The following ROCK2 variants were observed in gnomAD, a reference collection of about 807,000 sequenced individuals.
ROCK2 encodes the protein Rho associated coiled-coil containing protein kinase 2.
ROCK2 carries 61 observed loss-of-function variants against 195.1 expected under a neutral mutation model. The ratio of observed to expected loss-of-function variants is 0.31; its 90% CI spans 0.25 to 0.39. The LOEUF is 0.39. Ranked by LOEUF, ROCK2 falls within the 10% of genes least tolerant of loss-of-function variation. The pLI, the probability that ROCK2 is intolerant of heterozygous loss-of-function variation, is 1.00. For synonymous variants in ROCK2, 504 were observed against 545.5 expected, an observed-to-expected ratio of 0.92 and a Z score of 1.06; for missense variants, 1,109 against 1,637.4, an observed-to-expected ratio of 0.68 and a Z score of 5.57.
At chr2:11,246,979 A>C (rs1665639249) in intron 4 of ROCK2, among the ~76,000 whole-genome samples, 1 of 151,436 alleles carries the variant, frequency 6.6e-6, no homozygotes, top group Non-Finnish European at 1.5e-5. Context: ...TGATGAATGA[A>C]CGAAGTGTGG....
At chr2:11,298,737 CTT>C (rs1476693962) in intron 1 of ROCK2, among the ~76,000 whole-genome samples, 1 of 152,104 alleles carries the variant, frequency 6.6e-6, no homozygotes, top group Non-Finnish European at 1.5e-5. Flanking sequence ...AGTCACACGA[CTT>C]TATACTTTGG....
chr2:11,280,439 C>T (rs1666960334), intron 3 of ROCK2, among the ~76,000 whole-genome samples: 1 of 140,998 alleles, frequency 7.1e-6, no homozygotes, highest in Admixed American at 7.3e-5. Flanking sequence ...GCCTGGGCAA[C>T]ATGGTGAAAC....
intron 32 of ROCK2, among the ~76,000 whole-genome samples, chr2:11,189,930 G>A (rs1379497638): frequency 6.6e-6 from 1 of 152,106 alleles, no homozygotes; most frequent in Non-Finnish European, 1.5e-5. Flanking sequence ...GGGAGGTCAA[G>A]GCTGCAGTGA....
chr2:11,292,877 T>A (rs898510692), intron 1 of ROCK2, among the ~76,000 whole-genome samples: 1 of 152,202 alleles, frequency 6.6e-6, no homozygotes, highest in Non-Finnish European at 1.5e-5. Flanking sequence ...GACTTTTCCC[T>A]GTTGTCATGA....
chr2:11,205,717 T>C (rs1446230790), intron 20 of ROCK2, among the ~76,000 whole-genome samples: 3 of 152,140 alleles, frequency 2.0e-5, no homozygotes. Context: ...GGTTAATCTT[T>C]CTATCTTTCA....
chr2:11,245,346 G>A (rs1054682399), intron 4 of ROCK2, among the ~76,000 whole-genome samples: 2 of 151,476 alleles, frequency 1.3e-5, no homozygotes, highest in Non-Finnish European at 2.9e-5. Context: ...GCTGAATCTC[G>A]TAAGTAATCA....
intron 1 of ROCK2, among the ~76,000 whole-genome samples, chr2:11,290,452 CTAAAA>C (rs1667326849): frequency 6.6e-6 from 1 of 151,688 alleles, no homozygotes; most frequent in African/African-American, 2.4e-5. Flanking sequence ...AAAAATGATA[CTAAAA>C]CTGAGATAAA....
rs960686413 is a variant in ROCK2, at chr2:11,183,493, T to A, written c.4164-53A>T. On this transcript the variant is annotated intron_variant, in intron 32 of 32. Transcript: ENST00000315872. ...TTGATACAGTGAAATAATTTAAGAG[T>A]GTTAAATTCCTAGAAAAAGCATTCC... The A allele has an allele frequency of 6.6e-6, 9 of 1,363,980 alleles. No homozygotes were observed. In the African/African-American group the frequency reaches 1.2e-4, roughly 18 times the overall value. 84.5% of individuals were successfully genotyped at this position (1,363,980 alleles called of 1,614,324 possible).
At chr2:11,299,409 A>G (rs1380969883) in intron 1 of ROCK2, among the ~76,000 whole-genome samples, 1 of 152,232 alleles carries the variant, frequency 6.6e-6, no homozygotes. Context: ...TACTTTTATA[A>G]AAAACCAAGT....
intron 1 of ROCK2, among the ~76,000 whole-genome samples, chr2:11,334,465 T>C (rs140870457): frequency 0.023 from 3,300 of 145,584 alleles, 59 homozygotes; most frequent in East Asian, 0.053. Context: ...GAGCCGAGAT[T>C]GTGCCACTGC....
At chr2:11,261,935 A>G (rs1420982157) in intron 3 of ROCK2, among the ~76,000 whole-genome samples, 1 of 152,240 alleles carries the variant, frequency 6.6e-6, no homozygotes, top group Non-Finnish European at 1.5e-5. Context: ...CTAAATTTCA[A>G]TGGCTTCATC....
intron 1 of ROCK2, among the ~76,000 whole-genome samples, chr2:11,299,668 G>C (rs908792761): frequency 1.3e-5 from 2 of 152,220 alleles, no homozygotes; most frequent in African/African-American, 4.8e-5. Flanking sequence ...AACCACGAAA[G>C]AACACAGCAA....
chr2:11,263,749 G>T (rs1380307315), intron 3 of ROCK2, among the ~76,000 whole-genome samples: 2 of 143,380 alleles, frequency 1.4e-5, no homozygotes, highest in Non-Finnish European at 3.1e-5. Flanking sequence ...AAGGGTTAAA[G>T]TTTTTTTTTT....
At chr2:11,199,604 T>G (rs1457797752) in intron 23 of ROCK2, among the ~76,000 whole-genome samples, 1 of 152,064 alleles carries the variant, frequency 6.6e-6, no homozygotes, top group African/African-American at 2.4e-5. Flanking sequence ...GTGCTGCAAT[T>G]ACAGGCATGA....
rs35308782 is a variant in ROCK2 at position 11,260,448 on chromosome 2, C to CAAAAA, written c.325-10655_325-10651dup. ...GGGTGACAGAGCGAGACTCTGTCTC[C>CAAAAA]AAAAAAAAAAAAAAAAAAAGGAGTT... On this transcript the variant is annotated intron_variant, in intron 3 of 32. Coordinates refer to ENST00000315872, the MANE Select transcript of ROCK2 (RefSeq NM_004850.5). Among the ~76,000 whole-genome samples the CAAAAA allele has an allele frequency of 2.5e-3, 229 of 91,390 alleles. 4 individuals are homozygous for CAAAAA. Among genetic ancestry groups the CAAAAA allele is most frequent in the African/African-American group, 4.2e-3 (91 of 21,506 alleles). The allele number at this position is 91,390 out of a possible 152,430, so 60.0% of individuals were successfully genotyped here.
intron 1 of ROCK2, among the ~76,000 whole-genome samples, chr2:11,302,584 C>G (rs1273652492): frequency 6.6e-6 from 1 of 152,152 alleles, no homozygotes; most frequent in Non-Finnish European, 1.5e-5. Context: ...CACATTTGCT[C>G]TAGATTTGTA....
intron 1 of ROCK2, 138 bp downstream of exon 1, chr2:11,343,858 G>T (rs1335576027): frequency 4.5e-6 from 5 of 1,106,554 alleles, no homozygotes; most frequent in Non-Finnish European, 6.2e-6. Flanking sequence ...TTTGGTCTCC[G>T]GCCCCGGCTG....
chr2:11,196,193 C>T (rs1035904668), intron 27 of ROCK2, among the ~76,000 whole-genome samples: 2 of 152,200 alleles, frequency 1.3e-5, no homozygotes, highest in Non-Finnish European at 1.5e-5. Flanking sequence ...CTCTGAATGA[C>T]GGAACTCTCT....
chr2:11,278,819 C>G (rs1439346812), intron 3 of ROCK2, among the ~76,000 whole-genome samples: 1 of 152,072 alleles, frequency 6.6e-6, no homozygotes, highest in South Asian at 2.1e-4. Context: ...TTGCCATGTT[C>G]GCCAGGCTGG....
Sources: gnomAD v4.1 joint callset for allele counts (sites outside exome capture counted in the v4.1 genomes callset) on GRCh38, gnomAD v4.1.1 for gene constraint, MANE v1.5 for transcripts, NCBI Gene and HGNC (gene_info 2026-07-23, HGNC 2026-07-21) for gene names.